Variants in ALMS1 observed in about 807,000 individuals in gnomAD.
ALMS1 encodes ALMS1 centrosome and basal body associated protein.
In ALMS1, 271 loss-of-function variants were observed where a neutral mutation model predicts 352.2. That is an observed-to-expected ratio of 0.77 (90% CI 0.70 to 0.85). The LOEUF (loss-of-function observed/expected upper bound fraction) is 0.85. ALMS1 is among the 40% of genes least tolerant of loss of function. The probability of loss-of-function intolerance (pLI) is 0.00; values close to 1 mark genes in which losing one functional copy is unlikely to be tolerated. For synonymous variants in ALMS1, 1,865 were observed against 1,761.2 expected, an observed-to-expected ratio of 1.06 and a Z score of -1.48; for missense variants, 5,445 against 4,870.7, an observed-to-expected ratio of 1.12 and a Z score of -3.51.
intron 9 of ALMS1, among the ~76,000 whole-genome samples, chr2:73,484,166 T>C (rs1261724988): frequency 6.6e-6 from 1 of 151,740 alleles, no homozygotes; most frequent in Non-Finnish European, 1.5e-5. Context: ...TTCTTCCTAG[T>C]CTTGATGGTC....
chr2:73,582,150 G>A lies in ALMS1; in HGVS notation c.11547+8726G>A, dbSNP rs553373227. 2.6e-5 allele frequency among the ~76,000 whole-genome samples: 4 copies of A among 152,190 alleles called. No homozygotes were observed. The East Asian group carries it at 7.7e-4, about 29-fold the overall frequency. ...TTTGCCCATCCTTTTAGCCTTTTGA[G>A]TCACTTTACTCAAGTGTTAGTAACA... On this transcript the variant is annotated intron_variant, in intron 16 of 22. Coordinates refer to ENST00000613296, the MANE Select transcript of ALMS1 (RefSeq NM_001378454.1).
At chr2:73,442,451 TTCTC>T (rs1246678640) in intron 7 of ALMS1, among the ~76,000 whole-genome samples, 1 of 152,178 alleles carries the variant, frequency 6.6e-6, no homozygotes, top group Non-Finnish European at 1.5e-5. Context: ...TTCCATATTG[TTCTC>T]TCTGTTTCTC....
intron 7 of ALMS1, among the ~76,000 whole-genome samples, chr2:73,436,899 A>G (rs575590258): frequency 6.6e-6 from 1 of 152,260 alleles, no homozygotes; most frequent in Non-Finnish European, 1.5e-5. Context: ...AAATTTGCCT[A>G]TTTTGTTCCC....
chr2:73,408,525 A>G lies in ALMS1; in HGVS notation c.325-97A>G, dbSNP rs1258649283. ...AATGTCGTATATGTGAAAGGGCTTTATAAACTGGGAAGTATGGTCTAAATA... is the reference window on the plus strand; with the variant it reads ...AATGTCGTATATGTGAAAGGGCTTTGTAAACTGGGAAGTATGGTCTAAATA... On this transcript the variant is annotated intron_variant, in intron 1 of 22. Transcript: ENST00000613296. 61 of 1,380,176 alleles carry G rather than the reference A, an allele frequency of 4.4e-5. No homozygotes were observed. In the East Asian group the frequency reaches 8.2e-4, roughly 19 times the overall value. The allele number at this position is 1,380,176 out of a possible 1,614,324, so 85.5% of individuals were successfully genotyped here.
In ALMS1 at chr2:73,601,200, T is replaced by C. The variant is rs967942624; in HGVS notation, c.11878T>C (p.Ser3960Pro). The C allele has an allele frequency of 1.2e-6, 2 of 1,614,078 alleles. No individual in the cohort carries two copies. The highest frequency in any genetic ancestry group is 1.7e-6 in the Non-Finnish European group (2 of 1,180,042). ...CTAAAAACTGTTTCCTGTAGGAGTT[T>C]CCTGGTTTGTTCCTGTGGAAAATGT... ...KNKKNSHEGV[S>P]WFVPVENVES... The change falls in exon 19 of 23, where the codon TCC becomes CCC. Residue 3960 changes from serine (S) to proline (P), a missense_variant. Coordinates refer to ENST00000613296, the MANE Select transcript of ALMS1 (RefSeq NM_001378454.1).
At chr2:73,558,629 T>TCAGGAAA (rs1674592794) in intron 14 of ALMS1, among the ~76,000 whole-genome samples, 1 of 152,198 alleles carries the variant, frequency 6.6e-6, no homozygotes, top group Non-Finnish European at 1.5e-5. Flanking sequence ...ACCATTCTTG[T>TCAGGAAA]GTTATGTAGT....
intron 16 of ALMS1, among the ~76,000 whole-genome samples, chr2:73,599,120 A>G (rs1675616573): frequency 1.3e-5 from 2 of 152,196 alleles, no homozygotes; most frequent in South Asian, 4.1e-4. Flanking sequence ...GCATCAGACT[A>G]ATGTTTGGCT....
chr2:73,495,400 A>G (rs1272585167), intron 10 of ALMS1, among the ~76,000 whole-genome samples: 2 of 151,934 alleles, frequency 1.3e-5, no homozygotes, highest in Non-Finnish European at 2.9e-5. Flanking sequence ...AAACCCAGCT[A>G]ATTTTCTGTA....
Position 73,450,560 on chromosome 2 carries a change from C to T in ALMS1, c.4033C>T (p.Gln1345Ter). Residue 1345 changes from glutamine to a stop codon, truncating the protein, a stop_gained, in exon 8 of 23, where the codon CAA becomes TAA. Coordinates refer to ENST00000613296, the MANE Select transcript of ALMS1 (RefSeq NM_001378454.1). LOFTEE classifies it high-confidence loss of function. ...SHTEKPGVFY[Q>*]QVLPHSHPTE... ...CACAGAGAAGCCTGGTGTTTTCTAC[C>T]AACAGGTCTTGCCACATAGTCATCC... 1 of 1,612,192 alleles carries T rather than the reference C, an allele frequency of 6.2e-7. No individual in the cohort carries two copies. Among genetic ancestry groups the T allele is most frequent in the Non-Finnish European group, 8.5e-7 (1 of 1,179,684 alleles).
intron 7 of ALMS1, among the ~76,000 whole-genome samples, chr2:73,440,052 C>T (rs970826920): frequency 1.3e-5 from 2 of 152,108 alleles, no homozygotes; most frequent in African/African-American, 4.8e-5. Context: ...GCTATCTCGG[C>T]TCACTGCAAG....
At chr2:73,441,216 C>T (rs1026847222) in intron 7 of ALMS1, among the ~76,000 whole-genome samples, 9 of 152,158 alleles carry the variant, frequency 5.9e-5, no homozygotes, top group South Asian at 2.1e-4. Flanking sequence ...TGGGCCCCTG[C>T]GATGGAGAAC....
At chr2:73,477,518 A>T (rs555409513) in intron 9 of ALMS1, among the ~76,000 whole-genome samples, 1 of 152,054 alleles carries the variant, frequency 6.6e-6, no homozygotes, top group Non-Finnish European at 1.5e-5. Flanking sequence ...TAGGCTTTTA[A>T]TAAGAGTTGC....
intron 12 of ALMS1, among the ~76,000 whole-genome samples, chr2:73,540,014 C>G (rs946296672): frequency 1.3e-5 from 2 of 152,162 alleles, no homozygotes; most frequent in Admixed American, 1.3e-4. Context: ...TCAGGAAATA[C>G]AGAGAATGCC....
At chr2:73,510,608 G>A (rs1428423905) in intron 10 of ALMS1, among the ~76,000 whole-genome samples, 6 of 152,136 alleles carry the variant, frequency 3.9e-5, no homozygotes, top group South Asian at 2.1e-4. Flanking sequence ...AGGGGCACCC[G>A]CCAGATGCCA....
chr2:73,597,137 C>T (rs1675569668), intron 16 of ALMS1, among the ~76,000 whole-genome samples: 1 of 151,944 alleles, frequency 6.6e-6, no homozygotes, highest in Admixed American at 6.6e-5. Flanking sequence ...GCAAACCTTG[C>T]ACTTCTTTTG....
Position 73,452,046 on chromosome 2 carries a change from A to G in ALMS1, c.5519A>G (p.Lys1840Arg). The change falls in exon 8 of 23, where the codon AAG (lysine) becomes AGG (arginine). Residue 1840 changes from lysine to arginine, a missense_variant. Transcript: ENST00000613296. ...ILRVPGPADQ[K>R]TGINILPSNS... Reference sequence around the variant, plus strand: ...AGAGTTCCTGGACCAGCTGACCAGAAGACTGGAATAAACATCCTGCCCTCT... The same window carrying G: ...AGAGTTCCTGGACCAGCTGACCAGAGGACTGGAATAAACATCCTGCCCTCT... 1 of 1,614,144 alleles carries G rather than the reference A, an allele frequency of 6.2e-7. No homozygotes were observed. The highest frequency in any genetic ancestry group is 8.5e-7 in the Non-Finnish European group (1 of 1,180,008).
In ALMS1 at chr2:73,424,706, A is replaced by G. The variant is rs1553400737; in HGVS notation, c.1041A>G (p.Ser347=). The change falls in exon 5 of 23, where the codon TCA becomes TCG. Residue 347 remains serine (S), a synonymous_variant. Transcript: ENST00000613296. Reference sequence around the variant, plus strand: ...ATGATGATCTTTGTTCATATATGTCATGGAAGACACGAAAAGATACACAGT... The same window carrying G: ...ATGATGATCTTTGTTCATATATGTCGTGGAAGACACGAAAAGATACACAGT... ...DRYDDLCSYM[S]WKTRKDTQWP... The G allele has an allele frequency of 6.2e-7, 1 of 1,614,150 alleles. No individual in the cohort carries two copies. The highest frequency in any genetic ancestry group is 8.5e-7 in the Non-Finnish European group (1 of 1,180,018).
At chr2:73,598,007 C>T (rs972847858) in intron 16 of ALMS1, among the ~76,000 whole-genome samples, 5 of 152,170 alleles carry the variant, frequency 3.3e-5, no homozygotes, top group African/African-American at 1.2e-4. Flanking sequence ...TAGCCAGCAC[C>T]AAACCCAGTG....
intron 12 of ALMS1, 81 bp downstream of exon 12, chr2:73,535,030 G>T: frequency 6.4e-7 from 1 of 1,552,528 alleles, no homozygotes; most frequent in Non-Finnish European, 8.9e-7. Context: ...AGTGACAAAA[G>T]TCCAGTGCTC....
Sources: allele counts gnomAD v4.1 joint callset (sites outside exome capture counted in the v4.1 genomes callset), GRCh38; gene constraint gnomAD v4.1.1; transcripts MANE v1.5; gene names NCBI Gene and HGNC (gene_info 2026-07-23, HGNC 2026-07-21).